TAF3: variants seen among roughly 807,000 people sequenced by gnomAD.
TAF3 encodes the protein TATA-box binding protein associated factor 3.
A neutral mutation model predicts 80.6 loss-of-function variants in TAF3; 7 were observed. The ratio of observed to expected loss-of-function variants is 0.09; its 90% CI spans 0.05 to 0.16. TAF3 has a LOEUF of 0.16. Ranked by LOEUF, TAF3 falls within the 10% of genes least tolerant of loss-of-function variation. TAF3 has a pLI of 1.00. For synonymous variants in TAF3, 444 were observed against 446.1 expected, an observed-to-expected ratio of 1.00 and a Z score of 0.06; for missense variants, 921 against 1,140.2, an observed-to-expected ratio of 0.81 and a Z score of 2.77.
At chr10:7,936,332 G>A (rs184449057) in intron 2 of TAF3, among the ~76,000 whole-genome samples, 1 of 152,182 alleles carries the variant, frequency 6.6e-6, no homozygotes, top group East Asian at 1.9e-4. Context: ...GCTATAAAAT[G>A]TCATCCCTGG....
intron 2 of TAF3, chr10:7,833,948 T>G: frequency 2.8e-6 from 1 of 354,820 alleles, no homozygotes; most frequent in Non-Finnish European, 4.9e-6. Flanking sequence ...CCATTCCCGC[T>G]GGGCACCATG....
intron 2 of TAF3, among the ~76,000 whole-genome samples, chr10:7,920,900 A>C (rs1837756853): frequency 6.6e-6 from 1 of 152,178 alleles, no homozygotes; most frequent in Non-Finnish European, 1.5e-5. Flanking sequence ...GGTTTCCCAA[A>C]TCTTAAAGCT....
intron 2 of TAF3, among the ~76,000 whole-genome samples, chr10:7,942,524 T>C (rs556836337): frequency 1.6e-4 from 25 of 152,368 alleles, no homozygotes; most frequent in Admixed American, 1.5e-3. Flanking sequence ...CATAAAATTA[T>C]AAGCTTTGCT....
chr10:7,907,096 C>T (rs151116556), intron 2 of TAF3, among the ~76,000 whole-genome samples: 1 of 152,264 alleles, frequency 6.6e-6, no homozygotes, highest in African/African-American at 2.4e-5. Flanking sequence ...GAATAACTTA[C>T]AGCAATTTTT....
intron 2 of TAF3, among the ~76,000 whole-genome samples, chr10:7,926,032 C>CA (rs1837812795): frequency 6.6e-6 from 1 of 152,090 alleles, no homozygotes; most frequent in Admixed American, 6.5e-5. Flanking sequence ...GCAGCTTGGG[C>CA]AACTGCCTTT....
At chr10:7,984,835 A>G (rs1831761135) in intron 4 of TAF3, among the ~76,000 whole-genome samples, 1 of 152,128 alleles carries the variant, frequency 6.6e-6, no homozygotes, top group Admixed American at 6.6e-5. Context: ...TATCATGGAA[A>G]CCTTTTGGAT....
chr10:7,858,307 G>A (rs551381291), intron 2 of TAF3, among the ~76,000 whole-genome samples: 2 of 152,122 alleles, frequency 1.3e-5, no homozygotes, highest in African/African-American at 2.4e-5. Flanking sequence ...ACAAGCAATT[G>A]CCAGTAATAT....
intron 4 of TAF3, among the ~76,000 whole-genome samples, chr10:7,999,873 C>T (rs563806877): frequency 2.6e-5 from 4 of 152,206 alleles, no homozygotes; most frequent in Non-Finnish European, 5.9e-5. Context: ...TAGACGCACT[C>T]GATTGTGCAG....
At chr10:7,947,286 C>T (rs1838034213) in intron 2 of TAF3, among the ~76,000 whole-genome samples, 1 of 152,004 alleles carries the variant, frequency 6.6e-6, no homozygotes, top group African/African-American at 2.4e-5. Flanking sequence ...GCCCCCACCG[C>T]AGGCCGGATA....
intron 2 of TAF3, among the ~76,000 whole-genome samples, chr10:7,919,100 G>C (rs1837739582): frequency 2.0e-5 from 3 of 152,108 alleles, no homozygotes; most frequent in Admixed American, 1.3e-4. Flanking sequence ...ATTTCAGAGG[G>C]TACAGAATCT....
chr10:7,821,929 T>C (rs1481023656), intron 1 of TAF3, among the ~76,000 whole-genome samples: 1 of 152,118 alleles, frequency 6.6e-6, no homozygotes, highest in Non-Finnish European at 1.5e-5. Flanking sequence ...CCAGGTGAGA[T>C]TAAGCATAAT....
chr10:7,917,552 C>G (rs1837722670), intron 2 of TAF3, among the ~76,000 whole-genome samples: 2 of 152,086 alleles, frequency 1.3e-5, no homozygotes, highest in Non-Finnish European at 2.9e-5. Flanking sequence ...GGATTTTTTT[C>G]TAATCTAAAA....
rs199621862 is a variant in TAF3 at position 7,965,172 on chromosome 10, G to A, written c.1662G>A (p.Lys554=). 47 of 1,609,424 alleles carry A rather than the reference G, an allele frequency of 2.9e-5. 1 individual carries two copies. In the African/African-American group the frequency reaches 5.5e-4, roughly 19 times the overall value. Residue 554 remains lysine (K), a synonymous_variant, in exon 3 of 7, where the codon AAG becomes AAA. Transcript: ENST00000344293. ...AAGACAAGAACAAGGACAAAAGTAA[G>A]GAGAAGGATAAAGTGAAAGAGAAAG... ...REKDKNKDKS[K]EKDKVKEKEK... is the part of the protein sequence containing the mutation.
At chr10:7,828,272 T>C (rs1404518543) in intron 2 of TAF3, among the ~76,000 whole-genome samples, 1 of 152,118 alleles carries the variant, frequency 6.6e-6, no homozygotes, top group African/African-American at 2.4e-5. Flanking sequence ...CAATGTAAAG[T>C]AGTGTTACCA....
At chr10:8,000,650 G>A (rs1450773952) in intron 4 of TAF3, among the ~76,000 whole-genome samples, 3 of 151,976 alleles carry the variant, frequency 2.0e-5, no homozygotes, top group South Asian at 2.1e-4. Flanking sequence ...ATGGTGGCAC[G>A]CACCTGTAGT....
At chr10:8,014,555 A>G in intron 6 of TAF3, 82 bp from the exon 7 acceptor site, 1 of 1,265,782 alleles carries the variant, frequency 7.9e-7, no homozygotes, top group Non-Finnish European at 1.1e-6. Flanking sequence ...CATAGACTCT[A>G]AAAAATTACT....
chr10:7,935,315 C>T (rs1393509674), intron 2 of TAF3, among the ~76,000 whole-genome samples: 2 of 151,504 alleles, frequency 1.3e-5, no homozygotes, highest in Non-Finnish European at 2.9e-5. Context: ...AAAAATAAAG[C>T]GGCCAGGCGC....
At chr10:7,830,009 A>G (rs137973421) in intron 2 of TAF3, among the ~76,000 whole-genome samples, 2 of 152,348 alleles carry the variant, frequency 1.3e-5, no homozygotes, top group East Asian at 3.9e-4. Context: ...TGAATTCGTT[A>G]TGAAATGGAA....
At chr10:7,823,260 A>G (rs765158121) in intron 1 of TAF3, among the ~76,000 whole-genome samples, 17 of 152,092 alleles carry the variant, frequency 1.1e-4, no homozygotes, top group Non-Finnish European at 2.4e-4. Context: ...GATTCTGCAG[A>G]TGCATCAGGG....
Sources: allele counts gnomAD v4.1 joint callset (sites outside exome capture counted in the v4.1 genomes callset), GRCh38; gene constraint gnomAD v4.1.1; transcripts MANE v1.5; gene names NCBI Gene and HGNC (gene_info 2026-07-23, HGNC 2026-07-21).